Variants in NKAIN3 observed in about 807,000 individuals in gnomAD.
The protein encoded by NKAIN3 is sodium/potassium transporting ATPase interacting 3, also known as sodium/potassium-transporting ATPase subunit beta-1-interacting protein 3.
A neutral mutation model predicts 30.2 loss-of-function variants in NKAIN3; 25 were observed. The ratio of observed to expected loss-of-function variants is 0.83; its 90% CI spans 0.60 to 1.16. The LOEUF (loss-of-function observed/expected upper bound fraction) is 1.16. NKAIN3 is among the 50% of genes most tolerant of loss of function. The probability of loss-of-function intolerance (pLI) is 0.00; values close to 1 mark genes in which losing one functional copy is unlikely to be tolerated. For synonymous variants in NKAIN3, 91 were observed against 89.6 expected, an observed-to-expected ratio of 1.02 and a Z score of -0.09; for missense variants, 225 against 254.1, an observed-to-expected ratio of 0.89 and a Z score of 0.78.
chr8:62,619,642 G>A (rs907658139), intron 3 of NKAIN3, among the ~76,000 whole-genome samples: 6 of 150,910 alleles, frequency 4.0e-5, no homozygotes, highest in Admixed American at 1.3e-4. Flanking sequence ...CCTGAGGCCT[G>A]TGTCACAGGC....
rs143821249 is a variant in NKAIN3 at position 62,461,829 on chromosome 8, T to G, written c.55-117710T>G. On this transcript the variant is annotated intron_variant, in intron 1 of 6. Coordinates refer to ENST00000623646, the MANE Select transcript of NKAIN3 (RefSeq NM_001304533.3). The stretch of plus-strand genomic sequence containing the variant: ...CAGAGCCTCAGATGCCTGTGGGAAA[T>G]TGTCAAGCAGACCTTGCTGCTCATA... Among the ~76,000 whole-genome samples the G allele has an allele frequency of 7.0e-3, 1,068 of 152,198 alleles. 14 individuals carry two copies. The highest frequency in any genetic ancestry group is 0.025 in the African/African-American group (1,039 of 41,498).
At chr8:62,427,061 C>T (rs1043944525) in intron 1 of NKAIN3, among the ~76,000 whole-genome samples, 1 of 152,056 alleles carries the variant, frequency 6.6e-6, no homozygotes, top group African/African-American at 2.4e-5. Flanking sequence ...TACTGTCAAT[C>T]AAAGCCTGTC....
At chr8:62,566,870 T>C (rs1223569405) in intron 1 of NKAIN3, among the ~76,000 whole-genome samples, 2 of 152,140 alleles carry the variant, frequency 1.3e-5, no homozygotes, top group Non-Finnish European at 2.9e-5. Context: ...TTCCTTATTA[T>C]AGACATGAAA....
At chr8:62,673,589 C>T (rs1813379803) in intron 3 of NKAIN3, among the ~76,000 whole-genome samples, 1 of 152,122 alleles carries the variant, frequency 6.6e-6, no homozygotes, top group Non-Finnish European at 1.5e-5. Context: ...GGGATACATC[C>T]TAAGAAATGT....
At chr8:62,887,586 T>A (rs867639357) in intron 4 of NKAIN3, among the ~76,000 whole-genome samples, 1 of 152,176 alleles carries the variant, frequency 6.6e-6, no homozygotes, top group South Asian at 2.1e-4. Context: ...TTAGTTTTTT[T>A]ATTTGCTTTT....
At chr8:62,521,155 G>A (rs918338023) in intron 1 of NKAIN3, among the ~76,000 whole-genome samples, 1 of 151,834 alleles carries the variant, frequency 6.6e-6, no homozygotes, top group African/African-American at 2.4e-5. Flanking sequence ...CTCTGTCTGG[G>A]ATGATTTAGT....
chr8:62,359,815 G>A (rs1816489565), intron 1 of NKAIN3, among the ~76,000 whole-genome samples: 1 of 152,192 alleles, frequency 6.6e-6, no homozygotes, highest in South Asian at 2.1e-4. Context: ...TCTTAAGGGA[G>A]GCAATGGGAA....
In NKAIN3 at chr8:62,765,246, C is replaced by CAAA. The variant is rs34477671; in HGVS notation, c.471+18135_471+18137dup. Among the ~76,000 whole-genome samples, 226 of 42,400 alleles carry CAAA rather than the reference C, an allele frequency of 5.3e-3. 8 individuals carry two copies. The highest frequency in any genetic ancestry group is 0.018 in the African/African-American group (218 of 12,432). 27.8% of individuals were successfully genotyped at this position (42,400 alleles called of 152,430 possible). A position where few individuals can be genotyped will look rare whatever the true frequency, so the allele number is the denominator to read the frequency against. On this transcript the variant is annotated intron_variant, in intron 4 of 6. Transcript: ENST00000623646. ...TGGGTGATGGTGTGAGACTCCATCT[C>CAAA]AAAAAAAAAAAAAAAAAAAAGAAAA...
At chr8:62,368,844 G>C (rs979433793) in intron 1 of NKAIN3, among the ~76,000 whole-genome samples, 1 of 149,712 alleles carries the variant, frequency 6.7e-6, no homozygotes, top group Non-Finnish European at 1.5e-5. Flanking sequence ...TAACTTCCCT[G>C]AATATGCACG....
intron 3 of NKAIN3, among the ~76,000 whole-genome samples, chr8:62,742,890 A>C (rs528551214): frequency 2.0e-5 from 3 of 152,196 alleles, no homozygotes; most frequent in Non-Finnish European, 4.4e-5. Context: ...GCTTACAAAC[A>C]TGGTGGAAGG....
intron 1 of NKAIN3, among the ~76,000 whole-genome samples, chr8:62,544,548 G>A (rs947494967): frequency 1.3e-5 from 2 of 151,992 alleles, no homozygotes; most frequent in Admixed American, 1.3e-4. Flanking sequence ...CAAAAAAGTA[G>A]TAAATGCTTA....
chr8:62,347,907 T>C (rs1187907457), intron 1 of NKAIN3, among the ~76,000 whole-genome samples: 1 of 152,110 alleles, frequency 6.6e-6, no homozygotes, highest in Non-Finnish European at 1.5e-5. Context: ...ATTAATCAGA[T>C]AGGGGATCAG....
intron 3 of NKAIN3, among the ~76,000 whole-genome samples, chr8:62,656,704 T>A (rs1812774637): frequency 6.6e-6 from 1 of 152,196 alleles, no homozygotes; most frequent in Non-Finnish European, 1.5e-5. Context: ...GTAAAATGTC[T>A]AGTCACAACC....
chr8:62,296,857 C>T (rs943468091), intron 1 of NKAIN3, among the ~76,000 whole-genome samples: 2 of 151,962 alleles, frequency 1.3e-5, no homozygotes, highest in Non-Finnish European at 2.9e-5. Context: ...CCCTTGGTCT[C>T]CTCCTCCCTC....
intron 1 of NKAIN3, among the ~76,000 whole-genome samples, chr8:62,430,708 T>C (rs1016268007): frequency 1.3e-5 from 2 of 151,796 alleles, no homozygotes; most frequent in Non-Finnish European, 2.9e-5. Flanking sequence ...ATTGGGAATA[T>C]GAGAACAGGG....
chr8:62,811,121 C>T (rs191812665), intron 4 of NKAIN3, among the ~76,000 whole-genome samples: 2 of 152,180 alleles, frequency 1.3e-5, no homozygotes, highest in East Asian at 3.9e-4. Context: ...GTTGTCATCT[C>T]AAGAATTTTT....
intron 1 of NKAIN3, among the ~76,000 whole-genome samples, chr8:62,377,697 T>A (rs1054874195): frequency 1.6e-4 from 24 of 150,994 alleles, no homozygotes; most frequent in Non-Finnish European, 3.0e-4. Flanking sequence ...TGAGTTCTCA[T>A]GAGATCTGAT....
intron 1 of NKAIN3, among the ~76,000 whole-genome samples, chr8:62,425,624 T>C (rs1044301985): frequency 1.3e-5 from 2 of 151,990 alleles, no homozygotes. Flanking sequence ...CTATTTTCTC[T>C]ATTTTTAGTT....
At chr8:62,378,965 C>T (rs1817183165) in intron 1 of NKAIN3, among the ~76,000 whole-genome samples, 1 of 152,214 alleles carries the variant, frequency 6.6e-6, no homozygotes, top group African/African-American at 2.4e-5. Context: ...GCCCCAGACA[C>T]TCAATGCCAG....
Sources: gnomAD v4.1 joint callset for allele counts (sites outside exome capture counted in the v4.1 genomes callset) on GRCh38, gnomAD v4.1.1 for gene constraint, MANE v1.5 for transcripts, NCBI Gene and HGNC (gene_info 2026-07-23, HGNC 2026-07-21) for gene names.